The following APBA1 variants were observed in gnomAD, a reference collection of about 807,000 sequenced individuals.
APBA1 encodes the protein amyloid beta precursor protein binding family A member 1, also known as amyloid-beta A4 precursor protein-binding family A member 1.
In APBA1, 55 loss-of-function variants were observed where a neutral mutation model predicts 86.6. The observed-to-expected ratio is 0.64, with a 90% CI of 0.51 to 0.80. The LOEUF is 0.80. APBA1 is among the 30% of genes least tolerant of loss of function. APBA1 has a pLI of 0.00. For synonymous variants in APBA1, 511 were observed against 493.9 expected, an observed-to-expected ratio of 1.03 and a Z score of -0.46; for missense variants, 1,090 against 1,183.0, an observed-to-expected ratio of 0.92 and a Z score of 1.15.
intron 1 of APBA1, among the ~76,000 whole-genome samples, chr9:69,629,062 T>C (rs1822987565): frequency 6.6e-6 from 1 of 152,130 alleles, no homozygotes; most frequent in Non-Finnish European, 1.5e-5. Context: ...GTAAGATTCC[T>C]TGTAGAAAAC....
chr9:69,497,273 C>T (rs1181339842), intron 2 of APBA1, among the ~76,000 whole-genome samples: 1 of 152,084 alleles, frequency 6.6e-6, no homozygotes, highest in Non-Finnish European at 1.5e-5. Flanking sequence ...GGAGGATCCA[C>T]ATGCCTCACC....
chr9:69,448,021 G>C (rs534671087), intron 10 of APBA1, among the ~76,000 whole-genome samples: 1 of 149,380 alleles, frequency 6.7e-6, no homozygotes, highest in East Asian at 2.0e-4. Flanking sequence ...CCACCCCCCC[G>C]CTTGCCTCTC....
chr9:69,432,946 G>T (rs1834631115), intron 11 of APBA1, among the ~76,000 whole-genome samples: 1 of 152,150 alleles, frequency 6.6e-6, no homozygotes, highest in South Asian at 2.1e-4. Context: ...TCCCAGCTGG[G>T]GCTGGGTAAA....
chr9:69,530,304 GTGTATATATA>G (rs1406060879), intron 1 of APBA1, among the ~76,000 whole-genome samples: 1 of 95,434 alleles, frequency 1.0e-5, no homozygotes, highest in Non-Finnish European at 2.4e-5. Flanking sequence ...AGTTGTGTGT[GTGTATATATA>G]TATATATATA....
intron 1 of APBA1, among the ~76,000 whole-genome samples, chr9:69,540,369 G>A (rs533528929): frequency 1.3e-5 from 2 of 151,982 alleles, no homozygotes; most frequent in African/African-American, 4.8e-5. Flanking sequence ...TTTAAATTAT[G>A]GTAAGAACAC....
intron 1 of APBA1, among the ~76,000 whole-genome samples, chr9:69,530,895 C>G (rs895512964): frequency 6.6e-6 from 1 of 152,050 alleles, no homozygotes; most frequent in Non-Finnish European, 1.5e-5. Context: ...CCTACATAGT[C>G]GTGAGTCTTA....
intron 1 of APBA1, among the ~76,000 whole-genome samples, chr9:69,658,284 C>CTTTT (rs370230255): frequency 0.057 from 4,305 of 75,060 alleles, 355 homozygotes; most frequent in Non-Finnish European, 0.071. Flanking sequence ...TTCTTTCTTT[C>CTTTT]TCTCTCTCTT....
intron 1 of APBA1, among the ~76,000 whole-genome samples, chr9:69,632,233 C>A (rs1209914636): frequency 6.6e-6 from 1 of 151,892 alleles, no homozygotes; most frequent in African/African-American, 2.4e-5. Flanking sequence ...GCCTTATAAA[C>A]CCAAAATTCT....
intron 5 of APBA1, among the ~76,000 whole-genome samples, chr9:69,466,175 G>C (rs978889620): frequency 6.6e-6 from 1 of 152,136 alleles, no homozygotes; most frequent in African/African-American, 2.4e-5. Flanking sequence ...ATCAGTGGGT[G>C]ACACACAGAG....
At chr9:69,604,486 G>C (rs1389532746) in intron 1 of APBA1, among the ~76,000 whole-genome samples, 2 of 149,448 alleles carry the variant, frequency 1.3e-5, no homozygotes, top group Non-Finnish European at 3.0e-5. Context: ...ATGAGGGTAA[G>C]TGGAGAGGCA....
intron 2 of APBA1, among the ~76,000 whole-genome samples, chr9:69,485,756 G>A (rs554993234): frequency 1.3e-5 from 2 of 152,190 alleles, no homozygotes; most frequent in African/African-American, 4.8e-5. Flanking sequence ...TGCAGAAAAT[G>A]TTCTAGCAGA....
chr9:69,441,410 A>C (rs1000632590), intron 10 of APBA1, among the ~76,000 whole-genome samples: 3 of 152,232 alleles, frequency 2.0e-5, no homozygotes, highest in Non-Finnish European at 4.4e-5. Context: ...ATCTGATCAA[A>C]GTACTTGTGC....
At chr9:69,558,904 T>C (rs1241791790) in intron 1 of APBA1, among the ~76,000 whole-genome samples, 1 of 152,200 alleles carries the variant, frequency 6.6e-6, no homozygotes, top group Non-Finnish European at 1.5e-5. Flanking sequence ...TTAATATTTC[T>C]ACCCTCTTTC....
chr9:69,505,185 G>C (rs552973415), intron 2 of APBA1, among the ~76,000 whole-genome samples: 1 of 152,192 alleles, frequency 6.6e-6, no homozygotes, highest in South Asian at 2.1e-4. Context: ...ACATGTCCCA[G>C]GAAGCCCTAC....
chr9:69,488,970 G>T (rs539572295), intron 2 of APBA1, among the ~76,000 whole-genome samples: 18 of 152,130 alleles, frequency 1.2e-4, no homozygotes, highest in African/African-American at 4.3e-4. Flanking sequence ...ACTGCTCAAT[G>T]AAATAAAAGA....
At chr9:69,663,475 C>T (rs144529961) in intron 1 of APBA1, among the ~76,000 whole-genome samples, 1 of 152,162 alleles carries the variant, frequency 6.6e-6, no homozygotes, top group Admixed American at 6.5e-5. Flanking sequence ...ACTCTAAGCT[C>T]GTCCTCTGCT....
In APBA1 at chr9:69,458,012, G is replaced by A. The variant is rs527260247; in HGVS notation, c.1515+144C>T. On this transcript the variant is annotated intron_variant, in intron 6 of 12. Transcript: ENST00000265381. ...CGGCAACTGAGTTTTGAGAAACGCT[G>A]GCTTATGGGGCGGTTCAAAAAGAAA... The A allele has an allele frequency of 2.6e-4, 202 of 778,480 alleles. 2 individuals carry two copies. The South Asian group carries it at 3.0e-3, about 11-fold the overall frequency. The allele number at this position is 778,480 out of a possible 1,614,324, so 48.2% of individuals were successfully genotyped here.
At chr9:69,529,913 T>A (rs1836397117) in intron 1 of APBA1, among the ~76,000 whole-genome samples, 1 of 151,932 alleles carries the variant, frequency 6.6e-6, no homozygotes, top group Admixed American at 6.6e-5. Context: ...TCAAAAGAAG[T>A]ACAAGTGGCC....
chr9:69,662,053 C>CAG (rs1823763947), intron 1 of APBA1, among the ~76,000 whole-genome samples: 1 of 139,670 alleles, frequency 7.2e-6, no homozygotes, highest in Admixed American at 7.4e-5. Flanking sequence ...CACACACACA[C>CAG]ACAGACATCC....
Sources: gnomAD v4.1 joint callset for allele counts (sites outside exome capture counted in the v4.1 genomes callset) on GRCh38, gnomAD v4.1.1 for gene constraint, MANE v1.5 for transcripts, NCBI Gene and HGNC (gene_info 2026-07-23, HGNC 2026-07-21) for gene names.